Variants in SOX5 observed in about 807,000 individuals in gnomAD.
The protein encoded by SOX5 is transcription factor SOX-5.
A neutral mutation model predicts 92.0 loss-of-function variants in SOX5; 9 were observed. That is an observed-to-expected ratio of 0.10 (90% confidence interval 0.06 to 0.17). The LOEUF (loss-of-function observed/expected upper bound fraction) is 0.17. SOX5 is among the 10% of genes least tolerant of loss of function. The pLI, the probability that SOX5 is intolerant of heterozygous loss-of-function variation, is 1.00. For missense variants in SOX5, 642 were observed against 944.5 expected (o/e 0.68, Z 4.20); for synonymous variants, 344 against 336.3 (o/e 1.02, Z -0.25).
intron 4 of SOX5, among the ~76,000 whole-genome samples, chr12:24,185,297 C>T (rs933028332): frequency 1.3e-5 from 2 of 152,068 alleles, no homozygotes; most frequent in African/African-American, 4.8e-5. Flanking sequence ...TATCACTTAA[C>T]ATGGCCTATA....
intron 3 of SOX5, among the ~76,000 whole-genome samples, chr12:24,240,348 T>G (rs1594701829): frequency 6.6e-6 from 1 of 152,220 alleles, no homozygotes; most frequent in Non-Finnish European, 1.5e-5. Context: ...TTGTCAATAC[T>G]GATGCTGAAA....
At chr12:23,949,966 C>T (rs945040951), upstream of SOX5, among the ~76,000 whole-genome samples, 1 of 151,822 alleles carries the variant, frequency 6.6e-6, no homozygotes, top group Non-Finnish European at 1.5e-5. Flanking sequence ...TTTTAATTCT[C>T]TCTTCTAGAC....
intron 11 of SOX5, among the ~76,000 whole-genome samples, chr12:23,553,636 C>G (rs971133953): frequency 6.6e-6 from 1 of 151,900 alleles, no homozygotes; most frequent in African/African-American, 2.4e-5. Context: ...TCTTCCAAAC[C>G]GTGGCAGACA....
intron 9 of SOX5, among the ~76,000 whole-genome samples, chr12:23,600,522 C>CATAT (rs371480644): frequency 0.27 from 10,882 of 39,692 alleles, 2,105 homozygotes; most frequent in Middle Eastern, 0.48. Flanking sequence ...GGGGGGGGTG[C>CATAT]ATATATATAT....
chr12:23,554,976 G>C (rs1177709826), intron 11 of SOX5, among the ~76,000 whole-genome samples: 1 of 152,098 alleles, frequency 6.6e-6, no homozygotes, highest in Non-Finnish European at 1.5e-5. Flanking sequence ...AGGGGGAAAA[G>C]AAAGACCACT....
intron 9 of SOX5, among the ~76,000 whole-genome samples, chr12:23,601,185 C>T (rs1473343495): frequency 6.6e-6 from 1 of 152,134 alleles, no homozygotes; most frequent in East Asian, 1.9e-4. Context: ...TCAGAGGACT[C>T]ATGCTGTACA....
At chr12:23,884,576 A>C (rs947144272) in intron 2 of SOX5, among the ~76,000 whole-genome samples, 2 of 152,198 alleles carry the variant, frequency 1.3e-5, no homozygotes, top group African/African-American at 4.8e-5. Context: ...TGCCTCCCCC[A>C]CAAGTATTTC....
chr12:24,243,677 A>G (rs1052814192), intron 3 of SOX5, among the ~76,000 whole-genome samples: 1 of 152,216 alleles, frequency 6.6e-6, no homozygotes, highest in Non-Finnish European at 1.5e-5. Context: ...CACTTATGAA[A>G]AGAAAAACAG....
chr12:23,783,821 CT>C (rs775397349), intron 3 of SOX5, among the ~76,000 whole-genome samples: 12 of 152,236 alleles, frequency 7.9e-5, no homozygotes, highest in Middle Eastern at 3.4e-3. Flanking sequence ...AGCGCATTTC[CT>C]CCACATGCAA....
At chr12:23,636,893 A>G (rs189384884) in intron 8 of SOX5, among the ~76,000 whole-genome samples, 71 of 152,262 alleles carry the variant, frequency 4.7e-4, no homozygotes, top group African/African-American at 1.5e-3. Flanking sequence ...TGGATTTTGG[A>G]CTCTGTGACC....
At chr12:24,115,789 A>G (rs1368076674) in intron 4 of SOX5, among the ~76,000 whole-genome samples, 1 of 152,236 alleles carries the variant, frequency 6.6e-6, no homozygotes, top group Non-Finnish European at 1.5e-5. Context: ...ATCTTCACCA[A>G]TGAAAATTAA....
Position 24,518,194 on chromosome 12 carries a change from G to A in SOX5, c.-251+44135C>T, listed in dbSNP as rs543470536. Among the ~76,000 whole-genome samples, 26 of 151,630 alleles carry A rather than the reference G, an allele frequency of 1.7e-4. No homozygotes were observed. In the South Asian group the frequency reaches 5.2e-3, roughly 30 times the overall value. ...AGTGTTTCTCATGCCTCAGCCTCCC[G>A]AGTAGCTGGGGTTACAGGCATGTAC... On this transcript the variant is annotated intron_variant, in intron 1 of 4. Coordinates refer to the SOX5 transcript ENST00000446891.
At chr12:23,969,517 C>T (rs1569317415) in intron 4 of SOX5, among the ~76,000 whole-genome samples, 1 of 152,156 alleles carries the variant, frequency 6.6e-6, no homozygotes, top group Non-Finnish European at 1.5e-5. Context: ...TCTCTGTTAT[C>T]TAGATATAGG....
In SOX5 at chr12:23,983,501, C is replaced by A. The variant is rs965242138; in HGVS notation, c.-1-87477G>T. On this transcript the variant is annotated intron_variant, in intron 4 of 4. Transcript: ENST00000446891. ...CAGTTAGTTGCAGAAAAGGGAATTA[C>A]TTTTCCTCATCTGTAAAATTAGTGA... 2.6e-5 allele frequency among the ~76,000 whole-genome samples: 4 copies of A among 152,144 alleles called. No individual in the cohort carries two copies. In the South Asian group the frequency reaches 8.3e-4, roughly 31 times the overall value.
At chr12:24,106,791 AAATAATAATAATAAT>A (rs56341402) in intron 4 of SOX5, among the ~76,000 whole-genome samples, 3,208 of 137,440 alleles carry the variant, frequency 0.023, 52 homozygotes, top group Non-Finnish European at 0.034. Flanking sequence ...GACTCGTCTC[AAATAATAATAATAAT>A]AATAATAATA....
chr12:24,434,919 C>T (rs1042767499), intron 1 of SOX5, among the ~76,000 whole-genome samples: 3 of 152,228 alleles, frequency 2.0e-5, no homozygotes, highest in African/African-American at 7.2e-5. Flanking sequence ...TGGACTAATA[C>T]AGTCTGTGTC....
intron 3 of SOX5, among the ~76,000 whole-genome samples, chr12:23,808,006 G>C (rs962230731): frequency 6.6e-6 from 1 of 152,018 alleles, no homozygotes; most frequent in Non-Finnish European, 1.5e-5. Flanking sequence ...GTAGTCCTAA[G>C]AAACTAGTAC....
chr12:23,660,647 A>G (rs1487136099), intron 7 of SOX5, among the ~76,000 whole-genome samples: 52 of 152,142 alleles, frequency 3.4e-4, no homozygotes, highest in Admixed American at 3.4e-3. Flanking sequence ...AAATTTTGTT[A>G]TAATATTCTG....
At chr12:24,075,793 A>G (rs1038171265) in intron 4 of SOX5, among the ~76,000 whole-genome samples, 5 of 152,178 alleles carry the variant, frequency 3.3e-5, no homozygotes, top group Non-Finnish European at 7.3e-5. Flanking sequence ...TTAACTCATG[A>G]CAATTTTTCA....
Sources: allele counts gnomAD v4.1 joint callset (sites outside exome capture counted in the v4.1 genomes callset), GRCh38; gene constraint gnomAD v4.1.1; transcripts MANE v1.5; gene names NCBI Gene and HGNC (gene_info 2026-07-23, HGNC 2026-07-21).